Variants in ACTRT3 observed in about 807,000 individuals in gnomAD.
ACTRT3 encodes the protein actin-related protein T3.
Under a neutral mutation model 17.6 loss-of-function variants are expected in ACTRT3, and 15 were observed. The observed-to-expected ratio is 0.85, with a 90% CI of 0.57 to 1.31. The LOEUF (loss-of-function observed/expected upper bound fraction) is 1.31, where lower values mean the gene tolerates loss of function less well. Among genes scored for constraint, ACTRT3 ranks in the 50% most tolerant of loss-of-function variants. The probability of loss-of-function intolerance (pLI) is 0.00; values close to 1 mark genes in which losing one functional copy is unlikely to be tolerated. For missense variants in ACTRT3, 457 were observed against 466.7 expected (o/e 0.98, Z 0.19); for synonymous variants, 169 against 176.4 (o/e 0.96, Z 0.33).
Position 169,769,400 on chromosome 3 carries a change from G to A in ACTRT3, c.121C>T (p.Gln41Ter). The A allele has an allele frequency of 6.2e-7, 1 of 1,606,484 alleles. No homozygotes were observed. Among genetic ancestry groups the A allele is most frequent in the Non-Finnish European group, 8.5e-7 (1 of 1,178,346 alleles). Reference sequence around the variant, plus strand: ...AGCCCGCCCTGGGCCGCGCGGCTCTGGCCCTTGGCGCGGCCGATAATGTTC... The same window carrying A: ...AGCCCGCCCTGGGCCGCGCGGCTCTAGCCCTTGGCGCGGCCGATAATGTTC... ...YPNIIGRAKG[Q>*]SRAAQGGLEL... The change falls in exon 1 of 2, where the codon CAG becomes TAG. Residue 41 changes from glutamine to a stop codon, truncating the protein, a stop_gained. Coordinates refer to ENST00000330368, the MANE Select transcript of ACTRT3 (RefSeq NM_032487.5). LOFTEE classifies it high-confidence loss of function.
Position 169,769,226 on chromosome 3 carries a change from C to T in ACTRT3, c.200+95G>A, listed in dbSNP as rs1286202454. 5.0e-5 allele frequency: 4 copies of T among 79,486 alleles called. No homozygotes were observed. The Admixed American group carries it at 5.1e-4, about 10-fold the overall frequency. The allele number at this position is 79,486 out of a possible 1,614,324, so 4.9% of individuals were successfully genotyped here. A position where few individuals can be genotyped will look rare whatever the true frequency, so the allele number is the denominator to read the frequency against. On this transcript the variant is annotated intron_variant, in intron 1 of 1. Transcript: ENST00000330368. ...CCAGTCCCCCCACCCCCAGCCACCCCAGCCCCACCCCCCAACCTCCCCAGC... is the reference window on the plus strand; with the variant it reads ...CCAGTCCCCCCACCCCCAGCCACCCTAGCCCCACCCCCCAACCTCCCCAGC...
Position 169,767,732 on chromosome 3 carries a change from C to G in ACTRT3, c.819G>C (p.Lys273Asn), listed in dbSNP as rs1778009072. Residue 273 changes from lysine (K) to asparagine (N), a missense_variant, in exon 2 of 2, where the codon AAG (lysine) becomes AAC (asparagine). Physicochemically the swap from Lys to Asn is moderately conservative, Grantham distance 94 (BLOSUM62 0). Coordinates refer to ENST00000330368, the MANE Select transcript of ACTRT3 (RefSeq NM_032487.5). ...HMNLEAPGID[K>N]ICFSSIMKCD... Reference sequence around the variant, plus strand: ...ATTTCATTATGCTGCTGAAGCATATCTTATCAATGCCAGGGGCCTCAAGGT... The same window carrying G: ...ATTTCATTATGCTGCTGAAGCATATGTTATCAATGCCAGGGGCCTCAAGGT... The G allele has an allele frequency of 6.2e-7, 1 of 1,613,980 alleles. No homozygotes were observed. The highest frequency in any genetic ancestry group is 1.3e-5 in the African/African-American group (1 of 74,944).
Position 169,767,523 on chromosome 3 carries a change from A to G in ACTRT3, c.1028T>C (p.Leu343Pro). Reference sequence around the variant, plus strand: ...GTCCTGGAAGGCAGACAAGGATGCAAGAATAGAACCTCCCATCCACACTGA... The same window carrying G: ...GTCCTGGAAGGCAGACAAGGATGCAGGAATAGAACCTCCCATCCACACTGA... ...KISVWMGGSI[L>P]ASLSAFQDMW... is the part of the protein sequence containing the mutation. The change falls in exon 2 of 2, where the codon CTT (leucine) becomes CCT (proline). Residue 343 changes from leucine (L) to proline (P), a missense_variant. Physicochemically the swap from Leu to Pro is moderately conservative, Grantham distance 98. Transcript: ENST00000330368. 1 of 1,614,026 alleles carries G rather than the reference A, an allele frequency of 6.2e-7. No homozygotes were observed. The highest frequency in any genetic ancestry group is 8.5e-7 in the Non-Finnish European group (1 of 1,179,998).
At position 169,769,485 on chromosome 3, in the gene ACTRT3, G is replaced by A; in HGVS notation, c.36C>T (p.Asn12=). 1 of 1,610,930 alleles carries A rather than the reference G, an allele frequency of 6.2e-7. No individual in the cohort carries two copies. The highest frequency in any genetic ancestry group is 8.5e-7 in the Non-Finnish European group (1 of 1,179,334). Residue 12 remains asparagine (N), a synonymous_variant, in exon 1 of 2, where the codon AAC becomes AAT. Coordinates refer to ENST00000330368, the MANE Select transcript of ACTRT3 (RefSeq NM_032487.5). ...CGCCCGCCTTGATCATTCCCGAGCC[G>A]TTGTCGATCACCACCGGTAGCTGGC... ...NHCQLPVVID[N]GSGMIKAGVA...
At position 169,768,260 on chromosome 3, in the gene ACTRT3, C is replaced by T. The variant is rs1018071520; in HGVS notation, c.291G>A (p.Pro97=). The T allele has an allele frequency of 6.2e-7, 1 of 1,613,796 alleles. No homozygotes were observed. Among genetic ancestry groups the T allele is most frequent in the African/African-American group, 1.3e-5 (1 of 74,906 alleles). ...HIYDYNLKLK[P]CDGPVLITEP... is the part of the protein sequence containing the mutation. ...CAGTAATCAAGACTGGGCCATCACA[C>T]GGCTTCAGCTTTAGGTTATAGTCAT... is the stretch of plus-strand genomic sequence containing the variant. The change falls in exon 2 of 2, where the codon CCG becomes CCA. Residue 97 remains proline, a synonymous_variant. Transcript: ENST00000330368.
chr3:169,768,424 T>G, intron 1 of ACTRT3, 74 bp from the exon 2 acceptor site: 1 of 1,344,874 alleles, frequency 7.4e-7, no homozygotes, highest in Non-Finnish European at 1.0e-6. Context: ...CCTCAGTTAA[T>G]TCCCCGCGTT....
In ACTRT3 at chr3:169,768,694, A is replaced by G. The variant is rs1299631355; in HGVS notation, c.201-344T>C. 2.0e-5 allele frequency among the ~76,000 whole-genome samples: 3 copies of G among 151,850 alleles called. No individual in the cohort carries two copies. In the South Asian group the frequency reaches 6.2e-4, roughly 32 times the overall value. On this transcript the variant is annotated intron_variant, in intron 1 of 1. Coordinates refer to ENST00000330368, the MANE Select transcript of ACTRT3 (RefSeq NM_032487.5). ...AGGCGCGCGCCACCACGCCCGGCTA[A>G]TTTTTTTGTATTTTTAGTAGAGACG... is the stretch of plus-strand genomic sequence containing the variant.
At chr3:169,768,944 A>G (rs9823758) in intron 1 of ACTRT3, among the ~76,000 whole-genome samples, 5,249 of 152,226 alleles carry the variant, frequency 0.034, 263 homozygotes, top group African/African-American at 0.12. Context: ...GAAGAGAATA[A>G]CCCAAGTGAC....
Position 169,768,199 on chromosome 3 carries a change from T to C in ACTRT3, c.352A>G (p.Ile118Val), listed in dbSNP as rs754276436. The C allele has an allele frequency of 4.3e-6, 7 of 1,613,902 alleles. No individual in the cohort carries two copies. Among genetic ancestry groups the C allele is most frequent in the Non-Finnish European group, 5.9e-6 (7 of 1,180,040 alleles). ...ALNPLANRQQ[I>V]TEMFFEHLGV... ...AGATGCTCAAAAAACATTTCCGTGA[T>C]CTGTTGCCGGTTGGCCAGTGGGTTC... The change falls in exon 2 of 2, where the codon ATC (isoleucine) becomes GTC (valine). Residue 118 changes from isoleucine (I) to valine (V), a missense_variant. Coordinates refer to ENST00000330368, the MANE Select transcript of ACTRT3 (RefSeq NM_032487.5).
chr3:169,768,729 C>T (rs1276591907), intron 1 of ACTRT3, among the ~76,000 whole-genome samples: 1 of 152,036 alleles, frequency 6.6e-6, no homozygotes, highest in Non-Finnish European at 1.5e-5. Context: ...GGGGTTTCAC[C>T]GTGTTAGCCA....
rs758592222 is a variant in ACTRT3, at chr3:169,767,463, C to A, written c.1088G>T (p.Gly363Val). Residue 363 changes from glycine to valine, a missense_variant, in exon 2 of 2, where the codon GGA becomes GTA. By Grantham distance (109) the Gly-to-Val change is moderately radical (BLOSUM62 -3). Coordinates refer to ENST00000330368, the MANE Select transcript of ACTRT3 (RefSeq NM_032487.5). Reference protein sequence around the residue: ...WITAAEFKEVGPNIVHQRCF With the variant: ...WITAAEFKEVVPNIVHQRCF ...GCATCTTTGGTGTACTATGTTGGGTCCAACTTCTTTAAATTCTGCAGCAGT... is the reference window on the plus strand; with the variant it reads ...GCATCTTTGGTGTACTATGTTGGGTACAACTTCTTTAAATTCTGCAGCAGT... 2.6e-5 allele frequency: 41 copies of A among 1,606,106 alleles called. No homozygotes were observed. The South Asian group carries it at 4.3e-4, about 17-fold the overall frequency.
chr3:169,769,282 C>G (rs752781371), intron 1 of ACTRT3, 39 bp downstream of exon 1: 3 of 166,634 alleles, frequency 1.8e-5, no homozygotes, highest in Non-Finnish European at 2.5e-5. Flanking sequence ...CCCCACCCAC[C>G]CTCCCCAGCC....
chr3:169,769,501 G>C lies in ACTRT3; in HGVS notation c.20C>G (p.Pro7Arg). 6.2e-7 allele frequency: 1 copy of C among 1,610,796 alleles called. No individual in the cohort carries two copies. Among genetic ancestry groups the C allele is most frequent in the Non-Finnish European group, 8.5e-7 (1 of 1,179,122 alleles). The change falls in exon 1 of 2, where the codon CCG becomes CGG. Residue 7 changes from proline to arginine, a missense_variant. Pro to Arg is a moderately radical substitution (Grantham distance 103). Transcript: ENST00000330368. ...TCCCGAGCCGTTGTCGATCACCACC[G>C]GTAGCTGGCAGTGGTTCATGCCGCC... MNHCQL[P>R]VVIDNGSGMI...
At position 169,769,464 on chromosome 3, in the gene ACTRT3, C is replaced by G; in HGVS notation, c.57G>C (p.Ala19=). Reference sequence around the variant, plus strand: ...GGGGCTCCCGGCACCCAGCCACGCCCGCCTTGATCATTCCCGAGCCGTTGT... The same window carrying G: ...GGGGCTCCCGGCACCCAGCCACGCCGGCCTTGATCATTCCCGAGCCGTTGT... ...VIDNGSGMIK[A]GVAGCREPQF... Residue 19 remains alanine, a synonymous_variant, in exon 1 of 2, where the codon GCG becomes GCC. Coordinates refer to ENST00000330368, the MANE Select transcript of ACTRT3 (RefSeq NM_032487.5). The G allele has an allele frequency of 6.2e-7, 1 of 1,611,102 alleles. No individual in the cohort carries two copies. The highest frequency in any genetic ancestry group is 8.5e-7 in the Non-Finnish European group (1 of 1,179,462).
rs546408140 is a variant in ACTRT3 at position 169,768,426 on chromosome 3, C to T, written c.201-76G>A. 6.8e-4 allele frequency: 918 copies of T among 1,347,548 alleles called. 2 individuals are homozygous for T. Among genetic ancestry groups the T allele is most frequent in the Non-Finnish European group, 8.7e-4 (866 of 993,036 alleles). 83.5% of individuals were successfully genotyped at this position (1,347,548 alleles called of 1,614,324 possible). A position where few individuals can be genotyped will look rare whatever the true frequency, so the allele number is the denominator to read the frequency against. Reference sequence around the variant, plus strand: ...TATTGTCTTCGACCCTCAGTTAATTCCCCGCGTTTATTACCAATATCCCTT... The same window carrying T: ...TATTGTCTTCGACCCTCAGTTAATTTCCCGCGTTTATTACCAATATCCCTT... On this transcript the variant is annotated intron_variant, in intron 1 of 1. Transcript: ENST00000330368.
Position 169,768,055 on chromosome 3 carries a change from C to G in ACTRT3, c.496G>C (p.Glu166Gln), listed in dbSNP as rs748041393. Residue 166 changes from glutamate to glutamine, a missense_variant, in exon 2 of 2, where the codon GAG becomes CAG. By Grantham distance (29) the Glu-to-Gln change is conservative (BLOSUM62 2). Coordinates refer to ENST00000330368, the MANE Select transcript of ACTRT3 (RefSeq NM_032487.5). ...ACACCATGAGGCAGACAGTAACCCT[C>G]AAAGATGGGCACACTCTGGGTAACC... ...AGVTQSVPIF[E>Q]GYCLPHGVQQ... is the part of the protein sequence containing the mutation. The G allele has an allele frequency of 1.1e-5, 18 of 1,613,978 alleles. No homozygotes were observed. The highest frequency in any genetic ancestry group is 1.4e-5 in the Non-Finnish European group (16 of 1,180,028).
Position 169,768,197 on chromosome 3 carries a change from G to A in ACTRT3, c.354C>T (p.Ile118=), listed in dbSNP as rs373104233. 3.1e-6 allele frequency: 5 copies of A among 1,613,918 alleles called. No homozygotes were observed. Among genetic ancestry groups the A allele is most frequent in the Admixed American group, 1.7e-5 (1 of 60,008 alleles). ...ALNPLANRQQ[I]TEMFFEHLGV... ...CCAGATGCTCAAAAAACATTTCCGT[G>A]ATCTGTTGCCGGTTGGCCAGTGGGT... Residue 118 remains isoleucine (I), a synonymous_variant, in exon 2 of 2, where the codon ATC becomes ATT. Transcript: ENST00000330368.
At position 169,769,408 on chromosome 3, in the gene ACTRT3, G is replaced by C. The variant is rs1349763042; in HGVS notation, c.113C>G (p.Ala38Gly). The C allele has an allele frequency of 6.2e-7, 1 of 1,607,614 alleles. No individual in the cohort carries two copies. Among genetic ancestry groups the C allele is most frequent in the Non-Finnish European group, 8.5e-7 (1 of 1,178,702 alleles). The change falls in exon 1 of 2, where the codon GCC (alanine) becomes GGC (glycine). Residue 38 changes from alanine (A) to glycine (G), a missense_variant. Physicochemically the swap from Ala to Gly is moderately conservative, Grantham distance 60 (BLOSUM62 0). Transcript: ENST00000330368. Reference protein sequence around the residue: ...QFIYPNIIGRAKGQSRAAQGG... With the variant: ...QFIYPNIIGRGKGQSRAAQGG... ...CTGGGCCGCGCGGCTCTGGCCCTTG[G>C]CGCGGCCGATAATGTTCGGGTAGAT...
Position 169,768,142 on chromosome 3 carries a change from C to G in ACTRT3, c.409G>C (p.Ala137Pro), listed in dbSNP as rs1206185298. 6 of 1,614,046 alleles carry G rather than the reference C, an allele frequency of 3.7e-6. No homozygotes were observed. Among genetic ancestry groups the G allele is most frequent in the Non-Finnish European group, 5.1e-6 (6 of 1,180,028 alleles). The part of the protein sequence containing the change: ...GVPAFYMSIQ[A>P]VLALFAAGFT... ...CCAGCAGCAAAGAGAGCCAGCACAG[C>G]CTGGATGGACATATAGAAGGCAGGA... The change falls in exon 2 of 2, where the codon GCT becomes CCT. Residue 137 changes from alanine (A) to proline (P), a missense_variant. Ala to Pro is a conservative substitution (Grantham distance 27). Transcript: ENST00000330368.
Sources: gnomAD v4.1 joint callset for allele counts (sites outside exome capture counted in the v4.1 genomes callset) on GRCh38, gnomAD v4.1.1 for gene constraint, MANE v1.5 for transcripts, NCBI Gene and HGNC (gene_info 2026-07-23, HGNC 2026-07-21) for gene names.